The following GTPBP2 variants were observed in gnomAD, a reference collection of about 807,000 sequenced individuals.
GTPBP2 encodes GTP binding protein 2, also known as GTP-binding protein 2.
A neutral mutation model predicts 63.0 loss-of-function variants in GTPBP2; 32 were observed. The ratio of observed to expected loss-of-function variants is 0.51; its 90% CI spans 0.38 to 0.68. The LOEUF (loss-of-function observed/expected upper bound fraction) is 0.68, where lower values mean the gene tolerates loss of function less well. Ranked by LOEUF, GTPBP2 falls within the 30% of genes least tolerant of loss-of-function variation. The pLI is 0.00. For missense variants in GTPBP2, 492 were observed against 796.9 expected, an observed-to-expected ratio of 0.62 and a Z score of 4.61; for synonymous variants, 310 against 322.6, an observed-to-expected ratio of 0.96 and a Z score of 0.42.
chr6:43,629,807 G>A, upstream of GTPBP2: 1 of 1,557,492 alleles, frequency 6.4e-7, no homozygotes, highest in South Asian at 1.2e-5. Flanking sequence ...GGCGGATGGT[G>A]ATTAGCCAAA....
Position 43,626,420 on chromosome 6 carries a change from A to G in GTPBP2, c.214-10T>C, listed in dbSNP as rs780573930. The G allele has an allele frequency of 6.2e-7, 1 of 1,612,488 alleles. No individual in the cohort carries two copies. The highest frequency in any genetic ancestry group is 2.2e-5 in the East Asian group (1 of 44,864). On this transcript the variant is annotated splice_polypyrimidine_tract_variant and intron_variant, in intron 2 of 11. Coordinates refer to ENST00000307126, the MANE Select transcript of GTPBP2 (RefSeq NM_019096.5). The surrounding 1 kb of genome is among the most constrained non-coding windows in gnomAD (Gnocchi z 4.0). ...GATTCACCAGCTTCAACTTAGGGCA[A>G]GTGGGGTATCATAAGGTGAAATCAG...
At chr6:43,630,226 T>C (rs566916319), upstream of GTPBP2, among the ~76,000 whole-genome samples, 36 of 152,292 alleles carry the variant, frequency 2.4e-4, no homozygotes, top group South Asian at 8.3e-4. Context: ...TCCAGCTCTT[T>C]AGTGCTGTTG....
Position 43,625,960 on chromosome 6 carries a change from C to T in GTPBP2, c.399-96G>A, listed in dbSNP as rs1333823445. On this transcript the variant is annotated intron_variant, in intron 3 of 11. Coordinates refer to ENST00000307126, the MANE Select transcript of GTPBP2 (RefSeq NM_019096.5). This position sits in a 1 kb window ranked among gnomAD's most constrained non-coding sequence, Gnocchi z 5.1. ...CAGACTTCCTGCACCTCCCACAGAG[C>T]TCCCAATACCTTAGTGCACTTCCTA... 1 of 920,458 alleles carries T rather than the reference C, an allele frequency of 1.1e-6. No homozygotes were observed. Among genetic ancestry groups the T allele is most frequent in the Non-Finnish European group, 1.8e-6 (1 of 559,444 alleles). The allele number at this position is 920,458 out of a possible 1,614,324, so 57.0% of individuals were successfully genotyped here.
chr6:43,625,245 G>A lies in GTPBP2; in HGVS notation c.705+118C>T. 1 of 1,055,328 alleles carries A rather than the reference G, an allele frequency of 9.5e-7. No homozygotes were observed. The highest frequency in any genetic ancestry group is 1.6e-5 in the African/African-American group (1 of 64,062). 65.4% of individuals were successfully genotyped at this position (1,055,328 alleles called of 1,614,324 possible). ...GCAGAGCTTGTTCACAGTCCCCTCA[G>A]GGCATTCATCTATACTATTTCAAAA... On this transcript the variant is annotated intron_variant, in intron 5 of 11. Coordinates refer to ENST00000307126, the MANE Select transcript of GTPBP2 (RefSeq NM_019096.5). The surrounding 1 kb of genome is among the most constrained non-coding windows in gnomAD (Gnocchi z 5.1).
At chr6:43,628,951 C>A in intron 1 of GTPBP2, 26 bp downstream of exon 1, 1 of 1,609,548 alleles carries the variant, frequency 6.2e-7, no homozygotes, top group Non-Finnish European at 8.5e-7. Flanking sequence ...GGCTTCTTCC[C>A]GCCCTACCAC....
chr6:43,628,859 C>T (rs893302480), intron 1 of GTPBP2, 118 bp downstream of exon 1: 3 of 1,138,612 alleles, frequency 2.6e-6, no homozygotes, highest in South Asian at 1.2e-5. Context: ...CTCCCGTGCC[C>T]CTCCTCCCTG....
At chr6:43,630,908 CAAAAAAAAAAAAAA>C, upstream of GTPBP2, among the ~76,000 whole-genome samples, 1 of 53,608 alleles carries the variant, frequency 1.9e-5, no homozygotes, top group South Asian at 8.0e-4. Context: ...GACTTCGTCT[CAAAAAAAAAAAAAA>C]AAAAAAAAAG....
upstream of GTPBP2, chr6:43,629,640 C>A: frequency 8.4e-7 from 1 of 1,186,802 alleles, no homozygotes; most frequent in Non-Finnish European, 1.2e-6. Flanking sequence ...CGGGATTTGG[C>A]CCTTTAGCGC....
At chr6:43,621,825 G>GC in intron 11 of GTPBP2, 35 bp from the exon 12 acceptor site, 1 of 1,613,812 alleles carries the variant, frequency 6.2e-7, no homozygotes, top group Non-Finnish European at 8.5e-7. Context: ...CCTGGCCAGT[G>GC]CCTTCTGTCC....
In GTPBP2 at chr6:43,622,193, AG is replaced by A; in HGVS notation, c.1468-27del. On this transcript the variant is annotated intron_variant, in intron 10 of 11. Transcript: ENST00000307126. This position sits in a 1 kb window ranked among gnomAD's most constrained non-coding sequence, Gnocchi z 5.4. ...CTGGGGAGGAACAGACCCCAGGCCC[AG>A]GAAGGGCAGCTCTAACATCAGACTC... 1 of 1,595,888 alleles carries A rather than the reference AG, an allele frequency of 6.3e-7. No homozygotes were observed. Among genetic ancestry groups the A allele is most frequent in the Non-Finnish European group, 8.6e-7 (1 of 1,166,572 alleles).
Position 43,621,437 on chromosome 6 carries a change from T to G in GTPBP2, c.*177A>C. ...CTGTCTTCTCCCTCAGGACTGCCCT[T>G]TCCTGGCCACACCAAGTTTGGCACC... On this transcript the variant is annotated 3_prime_UTR_variant, in exon 12 of 12. Coordinates refer to ENST00000307126, the MANE Select transcript of GTPBP2 (RefSeq NM_019096.5). 6.5e-7 allele frequency: 1 copy of G among 1,545,380 alleles called. No individual in the cohort carries two copies. The highest frequency in any genetic ancestry group is 8.7e-7 in the Non-Finnish European group (1 of 1,143,582).
In GTPBP2 at chr6:43,621,699, C is replaced by T; in HGVS notation, c.1724G>A (p.Arg575Gln). The T allele has an allele frequency of 1.2e-6, 2 of 1,614,210 alleles. No homozygotes were observed. Among genetic ancestry groups the T allele is most frequent in the Non-Finnish European group, 1.7e-6 (2 of 1,180,048 alleles). Reference protein sequence around the residue: ...YLKVGAKLLFREGVTKGIGHV... With the variant: ...YLKVGAKLLFQEGVTKGIGHV... ...GCCGATGCCCTTGGTGACACCCTCC[C>T]GGAACAGCAGTTTGGCGCCCACCTT... The change falls in exon 12 of 12, where the codon CGG becomes CAG. Residue 575 changes from arginine (R) to glutamine (Q), a missense_variant. By Grantham distance (43) the Arg-to-Gln change is conservative (BLOSUM62 1). This residue lies in a region of GTPBP2 where 400 missense variants were observed against 710.8 expected (regional missense o/e 0.56). Coordinates refer to ENST00000307126, the MANE Select transcript of GTPBP2 (RefSeq NM_019096.5).
In GTPBP2 at chr6:43,626,659, C is replaced by T. The variant is rs926827114; in HGVS notation, c.214-249G>A. Among the ~76,000 whole-genome samples the T allele has an allele frequency of 1.3e-5, 2 of 152,108 alleles. No homozygotes were observed. Among genetic ancestry groups the T allele is most frequent in the Non-Finnish European group, 2.9e-5 (2 of 68,012 alleles). Reference sequence around the variant, plus strand: ...GGTGGATCACCAGAGGTCAGCAGTTCGAGACCAGCCTGACCAACATGGAGA... The same window carrying T: ...GGTGGATCACCAGAGGTCAGCAGTTTGAGACCAGCCTGACCAACATGGAGA... On this transcript the variant is annotated intron_variant, in intron 2 of 11. Transcript: ENST00000307126. The surrounding 1 kb of genome is among the most constrained non-coding windows in gnomAD (Gnocchi z 4.0).
At chr6:43,621,981 TG>T (rs755378614) in intron 11 of GTPBP2, 21 bp downstream of exon 11, 1 of 1,613,680 alleles carries the variant, frequency 6.2e-7, no homozygotes, top group African/African-American at 1.3e-5. Flanking sequence ...TCTGGAGAAA[TG>T]GAAGGCCAGG....
At position 43,625,742 on chromosome 6, in the gene GTPBP2, G is replaced by A. The variant is rs779907258; in HGVS notation, c.507+14C>T. The A allele has an allele frequency of 6.4e-7, 1 of 1,573,466 alleles. No individual in the cohort carries two copies. The highest frequency in any genetic ancestry group is 8.8e-7 in the Non-Finnish European group (1 of 1,142,838). ...CAGTGTGGACATGAGAGACAGGGAT[G>A]GGTGTGTGCTCACCTGTTGGTTGTC... On this transcript the variant is annotated intron_variant, in intron 4 of 11. Transcript: ENST00000307126. The surrounding 1 kb of genome is among the most constrained non-coding windows in gnomAD (Gnocchi z 5.1).
chr6:43,625,719 G>T lies in GTPBP2; in HGVS notation c.507+37C>A. Reference sequence around the variant, plus strand: ...CCTGCCACCACAGGGCCCTTCCACAGTGTGGACATGAGAGACAGGGATGGG... The same window carrying T: ...CCTGCCACCACAGGGCCCTTCCACATTGTGGACATGAGAGACAGGGATGGG... On this transcript the variant is annotated intron_variant, in intron 4 of 11. Coordinates refer to ENST00000307126, the MANE Select transcript of GTPBP2 (RefSeq NM_019096.5). The surrounding 1 kb of genome is among the most constrained non-coding windows in gnomAD (Gnocchi z 5.1). 1 of 1,519,850 alleles carries T rather than the reference G, an allele frequency of 6.6e-7. No individual in the cohort carries two copies. Among genetic ancestry groups the T allele is most frequent in the Non-Finnish European group, 9.1e-7 (1 of 1,093,860 alleles). 94.1% of individuals were successfully genotyped at this position (1,519,850 alleles called of 1,614,324 possible).
Position 43,628,958 on chromosome 6 carries a change from C to T in GTPBP2, c.186+19G>A, listed in dbSNP as rs748186377. 37 of 1,611,780 alleles carry T rather than the reference C, an allele frequency of 2.3e-5. No individual in the cohort carries two copies. In the Admixed American group the frequency reaches 5.8e-4, roughly 25 times the overall value. On this transcript the variant is annotated intron_variant, in intron 1 of 11. Coordinates refer to ENST00000307126, the MANE Select transcript of GTPBP2 (RefSeq NM_019096.5). The stretch of plus-strand genomic sequence containing the variant: ...GAAAGAGTGGCTTCTTCCCGCCCTA[C>T]CACTTCTCAGGTGCTCACCTCGGGG...
chr6:43,624,733 C>CT lies in GTPBP2; in HGVS notation c.881-5_881-4insA, dbSNP rs1290404647. The CT allele has an allele frequency of 1.9e-6, 3 of 1,612,702 alleles. No individual in the cohort carries two copies. Among genetic ancestry groups the CT allele is most frequent in the Non-Finnish European group, 2.5e-6 (3 of 1,179,314 alleles). ...AGATGTTCCCTTGTGGTGCCAGCTGCCTCATAAGGACAGCAAGCAGCAGGA... is the reference window on the plus strand; with the variant it reads ...AGATGTTCCCTTGTGGTGCCAGCTGCTCTCATAAGGACAGCAAGCAGCAGGA... On this transcript the variant is annotated splice_region_variant and splice_polypyrimidine_tract_variant and intron_variant, in intron 6 of 11. Transcript: ENST00000307126. The surrounding 1 kb of genome is among the most constrained non-coding windows in gnomAD (Gnocchi z 5.1).
At chr6:43,628,939 G>A in intron 1 of GTPBP2, 38 bp downstream of exon 1, 1 of 1,598,234 alleles carries the variant, frequency 6.3e-7, no homozygotes, top group Non-Finnish European at 8.6e-7. Flanking sequence ...GCCGGAAAGA[G>A]TGGCTTCTTC....
Sources: gnomAD v4.1 joint callset for allele counts (sites outside exome capture counted in the v4.1 genomes callset) on GRCh38, gnomAD v4.1.1 for gene constraint, gnomAD v4.1.1 regional missense constraint, Gnocchi (gnomAD v3.1) non-coding constraint, MANE v1.5 for transcripts, NCBI Gene and HGNC (gene_info 2026-07-23, HGNC 2026-07-21) for gene names.